The following NLGN1 variants were observed in gnomAD, a reference collection of about 807,000 sequenced individuals.
NLGN1 encodes the protein neuroligin 1, also known as neuroligin-1.
Under a neutral mutation model 65.5 loss-of-function variants are expected in NLGN1, and 12 were observed. The observed-to-expected ratio is 0.18, with a 90% confidence interval of 0.12 to 0.30. NLGN1 has a LOEUF of 0.30. NLGN1 is among the 10% of genes least tolerant of loss of function. The pLI, the probability that NLGN1 is intolerant of heterozygous loss-of-function variation, is 1.00. For missense variants in NLGN1, 750 were observed against 1,007.1 expected (o/e 0.74, Z 3.46); for synonymous variants, 350 against 359.5 (o/e 0.97, Z 0.30).
At chr3:173,486,959 A>G (rs955655279) in intron 2 of NLGN1, among the ~76,000 whole-genome samples, 1 of 151,436 alleles carries the variant, frequency 6.6e-6, no homozygotes, top group African/African-American at 2.4e-5. Context: ...CTACTCCTCT[A>G]AGTAAAACAG....
intron 4 of NLGN1, among the ~76,000 whole-genome samples, chr3:173,949,577 T>A (rs1747812834): frequency 6.6e-6 from 1 of 152,134 alleles, no homozygotes; most frequent in African/African-American, 2.4e-5. Flanking sequence ...TCAGACTGAA[T>A]GTGATGAATT....
exon 7 of NLGN1, chr3:174,281,023 T>C: frequency 6.2e-7 from 1 of 1,613,398 alleles, no homozygotes; most frequent in Non-Finnish European, 8.5e-7. Context: ...GAGGAAATCA[T>C]GTCCCTCCAA....
At chr3:173,620,248 C>T (rs544959581) in intron 3 of NLGN1, among the ~76,000 whole-genome samples, 1 of 152,160 alleles carries the variant, frequency 6.6e-6, no homozygotes, top group South Asian at 2.1e-4. Flanking sequence ...AAGGCAATAA[C>T]TGTGGGGTAG....
At chr3:174,118,687 AAGG>A (rs1034854246) in intron 4 of NLGN1, among the ~76,000 whole-genome samples, 2 of 152,130 alleles carry the variant, frequency 1.3e-5, no homozygotes, top group African/African-American at 4.8e-5. Flanking sequence ...GAGTAGGAAG[AAGG>A]AGGTTTCTAG....
intron 2 of NLGN1, among the ~76,000 whole-genome samples, chr3:173,467,885 G>C (rs1434981871): frequency 1.3e-5 from 2 of 152,086 alleles, no homozygotes; most frequent in Non-Finnish European, 2.9e-5. Context: ...ACTCACTTCT[G>C]TTTAGTGGTG....
chr3:174,100,643 C>G lies in NLGN1; in HGVS notation c.647-174672C>G, dbSNP rs191893177. Reference sequence around the variant, plus strand: ...TGGTTTCTCCAATGTGCCATCTTCTCTTAAGCCACCAGGCTTCACATAGGC... The same window carrying G: ...TGGTTTCTCCAATGTGCCATCTTCTGTTAAGCCACCAGGCTTCACATAGGC... On this transcript the variant is annotated intron_variant, in intron 4 of 6. Transcript: ENST00000457714. Among the ~76,000 whole-genome samples, 9 of 152,204 alleles carry G rather than the reference C, an allele frequency of 5.9e-5. No individual in the cohort carries two copies. The East Asian group carries it at 1.5e-3, about 26-fold the overall frequency.
chr3:174,157,987 T>G (rs1202894287), intron 4 of NLGN1, among the ~76,000 whole-genome samples: 1 of 151,792 alleles, frequency 6.6e-6, no homozygotes, highest in Admixed American at 6.6e-5. Flanking sequence ...CTGCCTTAAG[T>G]AGAAAGTACA....
intron 4 of NLGN1, among the ~76,000 whole-genome samples, chr3:173,861,515 C>CGTGTGTGT (rs145812733): frequency 4.6e-4 from 65 of 141,452 alleles, no homozygotes; most frequent in African/African-American, 1.4e-3. Context: ...GTAGCTGGCA[C>CGTGTGTGT]GTGTGTGTGT....
rs537364001 is a variant in NLGN1, at chr3:173,702,013, G to A, written c.493+96922G>A. 1.6e-3 allele frequency among the ~76,000 whole-genome samples: 238 copies of A among 152,274 alleles called. 2 individuals carry two copies. Among genetic ancestry groups the A allele is most frequent in the African/African-American group, 5.5e-3 (230 of 41,568 alleles). ...CCAGCACTTTGGGAGGCCGAGGCGG[G>A]TGGATCACGAGGTCAGGAGATCGAG... On this transcript the variant is annotated intron_variant, in intron 3 of 6. Transcript: ENST00000457714.
At chr3:174,278,143 A>AAAGTT (rs2152891312) in intron 5 of NLGN1, among the ~76,000 whole-genome samples, 1 of 152,090 alleles carries the variant, frequency 6.6e-6, no homozygotes, top group Admixed American at 6.6e-5. Flanking sequence ...AACAGCGGCA[A>AAAGTT]AAGTTAAATC....
chr3:173,417,994 T>G (rs1474201733), intron 1 of NLGN1, among the ~76,000 whole-genome samples: 11 of 151,708 alleles, frequency 7.3e-5, no homozygotes, highest in Non-Finnish European at 1.2e-4. Flanking sequence ...AACAGAATTC[T>G]GTCATCACAA....
intron 3 of NLGN1, among the ~76,000 whole-genome samples, chr3:173,729,339 T>A (rs1330538821): frequency 6.6e-6 from 1 of 152,118 alleles, no homozygotes; most frequent in Non-Finnish European, 1.5e-5. Context: ...TAATACTTCT[T>A]GTTCCTATGT....
At chr3:173,779,331 A>G (rs1302912232) in intron 3 of NLGN1, among the ~76,000 whole-genome samples, 1 of 151,928 alleles carries the variant, frequency 6.6e-6, no homozygotes, top group Non-Finnish European at 1.5e-5. Flanking sequence ...TAAATCCCTC[A>G]GGACCAACAT....
intron 1 of NLGN1, among the ~76,000 whole-genome samples, chr3:173,421,353 A>T (rs1715010956): frequency 6.6e-6 from 1 of 151,994 alleles, no homozygotes; most frequent in African/African-American, 2.4e-5. Flanking sequence ...TACATTTTTT[A>T]CAAATAAGGA....
intron 3 of NLGN1, among the ~76,000 whole-genome samples, chr3:173,612,921 T>C (rs1216096009): frequency 6.6e-6 from 1 of 152,142 alleles, no homozygotes; most frequent in Non-Finnish European, 1.5e-5. Context: ...TCACATGGCC[T>C]TCTGCCTGTG....
intron 2 of NLGN1, among the ~76,000 whole-genome samples, chr3:173,560,800 A>G (rs1407374493): frequency 1.3e-5 from 2 of 152,058 alleles, no homozygotes; most frequent in Admixed American, 1.3e-4. Context: ...CATCTGGAAA[A>G]CCCTTTTTGA....
At chr3:174,288,739 T>C (rs1189369934), downstream of NLGN1, among the ~76,000 whole-genome samples, 2 of 151,516 alleles carry the variant, frequency 1.3e-5, no homozygotes, top group Non-Finnish European at 1.5e-5. Context: ...GTATAGTTCA[T>C]CTCTGCCTAA....
chr3:173,444,288 T>C (rs563177294), intron 2 of NLGN1, among the ~76,000 whole-genome samples: 2 of 152,342 alleles, frequency 1.3e-5, no homozygotes, highest in East Asian at 3.9e-4. Context: ...TGTCTGTGGC[T>C]CCATATCTGT....
intron 3 of NLGN1, among the ~76,000 whole-genome samples, chr3:173,730,226 T>C (rs1010225303): frequency 1.3e-5 from 2 of 151,092 alleles, no homozygotes; most frequent in Non-Finnish European, 2.9e-5. Flanking sequence ...TAAAACAAAA[T>C]TGTAGTAGGA....
Sources: gnomAD v4.1 joint callset for allele counts (sites outside exome capture counted in the v4.1 genomes callset) on GRCh38, gnomAD v4.1.1 for gene constraint, MANE v1.5 for transcripts, NCBI Gene and HGNC (gene_info 2026-07-23, HGNC 2026-07-21) for gene names.